Variants in GC observed in about 807,000 individuals in gnomAD.
The protein encoded by GC is vitamin D-binding protein.
GC carries 43 observed loss-of-function variants against 56.7 expected under a neutral mutation model. The observed-to-expected ratio is 0.76, with a 90% CI of 0.59 to 0.98. The LOEUF is 0.98. Among genes scored for constraint, GC ranks in the 50% least tolerant of loss-of-function variants. The pLI is 0.00. For missense variants in GC, 529 were observed against 545.9 expected (o/e 0.97, Z 0.31); for synonymous variants, 216 against 202.7 (o/e 1.07, Z -0.56).
chr4:71,804,989 C>T (rs1214730230), upstream of GC, among the ~76,000 whole-genome samples: 3 of 152,042 alleles, frequency 2.0e-5, no homozygotes, highest in African/African-American at 7.2e-5. Flanking sequence ...TCTTCTGAGT[C>T]GAGTGGGGCC....
At chr4:71,768,229 C>A in intron 3 of GC, 72 bp downstream of exon 3, 1 of 1,321,058 alleles carries the variant, frequency 7.6e-7, no homozygotes, top group Admixed American at 2.7e-5. Flanking sequence ...ATTTTTTCAA[C>A]ACGTGGTATA....
At chr4:71,776,045 T>A (rs1383859850) in intron 1 of GC, among the ~76,000 whole-genome samples, 1 of 152,038 alleles carries the variant, frequency 6.6e-6, no homozygotes, top group Non-Finnish European at 1.5e-5. Context: ...TCTTTTCCAC[T>A]GTTGGTGGAA....
At chr4:71,803,122 G>A (rs796131794) in intron 1 of GC, among the ~76,000 whole-genome samples, 46 of 152,250 alleles carry the variant, frequency 3.0e-4, no homozygotes, top group African/African-American at 1.1e-3. Flanking sequence ...CACATGACTA[G>A]GATTAGGGAG....
intron 7 of GC, among the ~76,000 whole-genome samples, 187 bp from the exon 8 acceptor site, chr4:71,757,101 T>C (rs1259422494): frequency 6.6e-6 from 1 of 152,198 alleles, no homozygotes; most frequent in Non-Finnish European, 1.5e-5. Context: ...CTTAAAAATG[T>C]ACAATTCTAT....
At chr4:71,786,016 G>A (rs893779934), upstream of GC, 1 of 151,754 alleles carries the variant, frequency 6.6e-6, no homozygotes, top group Admixed American at 6.6e-5. Context: ...TTGATACAGA[G>A]TTTAAGACCA....
At chr4:71,743,540 T>C (rs1166419920) in intron 12 of GC, among the ~76,000 whole-genome samples, 3 of 152,192 alleles carry the variant, frequency 2.0e-5, no homozygotes, top group African/African-American at 7.2e-5. Flanking sequence ...TTGGGGGCAA[T>C]GCTGCTGATA....
chr4:71,763,964 A>C, intron 4 of GC, 28 bp from the exon 5 acceptor site: 1 of 1,588,056 alleles, frequency 6.3e-7, no homozygotes, highest in Non-Finnish European at 8.6e-7. Flanking sequence ...GAATTGGTCA[A>C]AAAATTTGTG....
intron 1 of GC, among the ~76,000 whole-genome samples, chr4:71,775,635 A>C (rs2149304336): frequency 6.6e-6 from 1 of 152,130 alleles, no homozygotes; most frequent in East Asian, 1.9e-4. Context: ...CAGGCAACAA[A>C]AGCAAAAAAT....
intron 1 of GC, among the ~76,000 whole-genome samples, chr4:71,797,638 T>C (rs750840149): frequency 3.3e-5 from 5 of 152,238 alleles, no homozygotes; most frequent in Non-Finnish European, 5.9e-5. Context: ...ACTGAGGTGA[T>C]GCCCCGCCCT....
chr4:71,772,427 T>A (rs1169232382), intron 1 of GC, among the ~76,000 whole-genome samples: 1 of 152,210 alleles, frequency 6.6e-6, no homozygotes, highest in Admixed American at 6.6e-5. Flanking sequence ...ATTTTGTTTC[T>A]AACCTTCCAG....
At chr4:71,780,765 G>C (rs1267704632) in intron 1 of GC, among the ~76,000 whole-genome samples, 5 of 152,156 alleles carry the variant, frequency 3.3e-5, no homozygotes, top group Non-Finnish European at 7.3e-5. Flanking sequence ...GGAGACACAG[G>C]AACACTTCTA....
intron 1 of GC, among the ~76,000 whole-genome samples, chr4:71,775,986 C>A (rs999498221): frequency 2.0e-5 from 3 of 151,734 alleles, no homozygotes; most frequent in Non-Finnish European, 4.4e-5. Flanking sequence ...TGGCTATTGC[C>A]AGAAAGATTG....
intron 1 of GC, among the ~76,000 whole-genome samples, chr4:71,793,825 G>A (rs978353660): frequency 3.9e-5 from 6 of 152,066 alleles, no homozygotes; most frequent in Non-Finnish European, 5.9e-5. Context: ...TGTGAGATAC[G>A]TTCCATCAAT....
At chr4:71,771,262 C>T (rs1742332092) in intron 1 of GC, among the ~76,000 whole-genome samples, 1 of 151,840 alleles carries the variant, frequency 6.6e-6, no homozygotes, top group Non-Finnish European at 1.5e-5. Context: ...TAAACATATG[C>T]CTGGGTGGAA....
chr4:71,741,856 G>T lies in GC; in HGVS notation c.*40C>A. On this transcript the variant is annotated 3_prime_UTR_variant, in exon 13 of 13. Coordinates refer to ENST00000273951, the MANE Select transcript of GC (RefSeq NM_000583.4). ...GTCATCAGAGATCATTCCCCTGGGT[G>T]GCTCCAACTCTGGTCTATGAGAATA... is the stretch of plus-strand genomic sequence containing the variant. 1.4e-6 allele frequency: 1 copy of T among 702,976 alleles called. No individual in the cohort carries two copies. Among genetic ancestry groups the T allele is most frequent in the Non-Finnish European group, 2.6e-6 (1 of 384,994 alleles). 43.5% of individuals were successfully genotyped at this position (702,976 alleles called of 1,614,324 possible). A position where few individuals can be genotyped will look rare whatever the true frequency, so the allele number is the denominator to read the frequency against.
rs761747076 is a variant in GC, at chr4:71,774,043, T to G, written c.59-4643A>C. Among the ~76,000 whole-genome samples the G allele has an allele frequency of 2.6e-5, 4 of 152,022 alleles. No individual in the cohort carries two copies. The East Asian group carries it at 7.7e-4, about 29-fold the overall frequency. On this transcript the variant is annotated intron_variant, in intron 1 of 12. Coordinates refer to ENST00000273951, the MANE Select transcript of GC (RefSeq NM_000583.4). ...TTATTGAGCTGGTTTAGGAAGCTGA[T>G]CTGGTTATAAGAGATTTCTGTATCA...
chr4:71,778,982 C>A (rs1472509704), intron 1 of GC, among the ~76,000 whole-genome samples: 1 of 150,066 alleles, frequency 6.7e-6, no homozygotes, highest in African/African-American at 2.4e-5. Context: ...TATGTACATA[C>A]CTATTTATAC....
intron 8 of GC, among the ~76,000 whole-genome samples, chr4:71,756,308 C>G (rs988245026): frequency 6.6e-6 from 1 of 152,166 alleles, no homozygotes; most frequent in Non-Finnish European, 1.5e-5. Flanking sequence ...TGTGTTTTCA[C>G]ATTTACTTTC....
chr4:71,796,554 G>T (rs913879940), intron 1 of GC, among the ~76,000 whole-genome samples: 1 of 152,106 alleles, frequency 6.6e-6, no homozygotes, highest in East Asian at 1.9e-4. Context: ...ATTCTAGTTA[G>T]CCATTCATCT....
Sources: allele counts gnomAD v4.1 joint callset (sites outside exome capture counted in the v4.1 genomes callset), GRCh38; gene constraint gnomAD v4.1.1; transcripts MANE v1.5; gene names NCBI Gene and HGNC (gene_info 2026-07-23, HGNC 2026-07-21).